TEP1: variants seen among roughly 807,000 people sequenced by gnomAD.
TEP1 encodes the protein telomerase associated protein 1.
TEP1 carries 241 observed loss-of-function variants against 306.3 expected under a neutral mutation model. The observed-to-expected ratio is 0.79, with a 90% CI of 0.71 to 0.88. TEP1 has a LOEUF of 0.88. TEP1 is among the 40% of genes least tolerant of loss of function. TEP1 has a pLI of 0.00. For missense variants in TEP1, 3,051 were observed against 3,276.1 expected (o/e 0.93, Z 1.68); for synonymous variants, 1,289 against 1,305.5 (o/e 0.99, Z 0.27).
rs1409260342 is a variant in TEP1, at chr14:20,378,505, A to G, written c.5383T>C (p.Phe1795Leu). 1 of 1,614,092 alleles carries G rather than the reference A, an allele frequency of 6.2e-7. No individual in the cohort carries two copies. Among genetic ancestry groups the G allele is most frequent in the African/African-American group, 1.3e-5 (1 of 74,938 alleles). The change falls in exon 38 of 55, where the codon TTC becomes CTC. Residue 1795 changes from phenylalanine to leucine, a missense_variant. Coordinates refer to ENST00000262715, the MANE Select transcript of TEP1 (RefSeq NM_007110.5). ...LWDTVRGQLAFQHTYPKSLNC... is the reference protein window; with the variant it reads ...LWDTVRGQLALQHTYPKSLNC... ...AGGGACTTGGGGTAGGTGTGCTGGA[A>G]GGCCAGCTGCCCACGGACTGTGTCC...
At position 20,369,385 on chromosome 14, in the gene TEP1, T is replaced by C. The variant is rs1446995792; in HGVS notation, c.7615A>G (p.Ser2539Gly). ...GTCTTTAGATGTGGTGTTGGCTCAC[T>C]ATCCATGCTGGCATCACTATCCATG... is the stretch of plus-strand genomic sequence containing the variant. The part of the protein sequence containing the change: ...ASMDSDASMD[S>G]EPTPHLKTRQ... Residue 2539 changes from serine to glycine, a missense_variant, in exon 53 of 55, where the codon AGT (serine) becomes GGT (glycine). This residue lies in a region of TEP1 where 1,540 missense variants were observed against 1,705.9 expected (regional missense o/e 0.90). Coordinates refer to ENST00000262715, the MANE Select transcript of TEP1 (RefSeq NM_007110.5). The C allele has an allele frequency of 9.9e-6, 16 of 1,613,800 alleles. No individual in the cohort carries two copies. Among genetic ancestry groups the C allele is most frequent in the Non-Finnish European group, 1.2e-5 (14 of 1,179,928 alleles).
chr14:20,376,467 C>T (rs148302230), intron 41 of TEP1, among the ~76,000 whole-genome samples: 276 of 152,256 alleles, frequency 1.8e-3, no homozygotes, highest in African/African-American at 6.3e-3. Flanking sequence ...CGGGAACGTG[C>T]GGCACTCCCA....
chr14:20,412,620 C>T (rs890719839), intron 1 of TEP1, among the ~76,000 whole-genome samples: 4 of 151,232 alleles, frequency 2.6e-5, no homozygotes, highest in African/African-American at 9.8e-5. Context: ...TGCTATTCTG[C>T]ACTTAGTATA....
rs201698574 is a variant in TEP1 at position 20,378,108 on chromosome 14, G to A, written c.5637C>T (p.Ala1879=). The A allele has an allele frequency of 6.2e-6, 10 of 1,613,978 alleles. No homozygotes were observed. Among genetic ancestry groups the A allele is most frequent in the Non-Finnish European group, 8.5e-6 (10 of 1,180,040 alleles). ...WAWREGARLA[A]FPAHHGFVAA... ...CAACAAAGCCATGGTGGGCAGGGAA[G>A]GCAGCCAGCCGTGCCCCTTCTCGCC... The change falls in exon 39 of 55, where the codon GCC becomes GCT. Residue 1879 remains alanine (A), a synonymous_variant. Transcript: ENST00000262715.
At position 20,378,122 on chromosome 14, in the gene TEP1, C is replaced by T. The variant is rs1441155976; in HGVS notation, c.5623G>A (p.Ala1875Thr). 2 of 1,613,886 alleles carry T rather than the reference C, an allele frequency of 1.2e-6. No individual in the cohort carries two copies. Among genetic ancestry groups the T allele is most frequent in the Non-Finnish European group, 1.7e-6 (2 of 1,180,032 alleles). The change falls in exon 39 of 55, where the codon GCA (alanine) becomes ACA (threonine). Residue 1875 changes from alanine (A) to threonine (T), a missense_variant. Physicochemically the swap from Ala to Thr is moderately conservative, Grantham distance 58 (BLOSUM62 0). Transcript: ENST00000262715. Reference sequence around the variant, plus strand: ...TGGGCAGGGAAGGCAGCCAGCCGTGCCCCTTCTCGCCAGGCCCACAGCTCC... The same window carrying T: ...TGGGCAGGGAAGGCAGCCAGCCGTGTCCCTTCTCGCCAGGCCCACAGCTCC... ...MVELWAWREGARLAAFPAHHG... is the reference protein window; with the variant it reads ...MVELWAWREGTRLAAFPAHHG...
chr14:20,386,789 C>T (rs565037889), intron 18 of TEP1, among the ~76,000 whole-genome samples, 166 bp from the exon 19 acceptor site: 1 of 152,304 alleles, frequency 6.6e-6, no homozygotes, highest in South Asian at 2.1e-4. Flanking sequence ...GTCTCAACTG[C>T]AGGGCCCTGG....
intron 17 of TEP1, 91 bp downstream of exon 17, chr14:20,389,147 T>TA (rs74346293): frequency 0.26 from 265,537 of 1,016,688 alleles, 5,357 homozygotes; most frequent in African/African-American, 0.31. Context: ...GATTCTGTCT[T>TA]AAAAAAAAAA....
At chr14:20,400,216 CAA>C (rs1445321946) in intron 9 of TEP1, among the ~76,000 whole-genome samples, 1 of 150,500 alleles carries the variant, frequency 6.6e-6, no homozygotes, top group Non-Finnish European at 1.5e-5. Flanking sequence ...TACTCCACCC[CAA>C]GTGGTTTCAA....
chr14:20,407,777 CAG>C (rs1282655471), intron 2 of TEP1, 94 bp downstream of exon 2: 1 of 1,142,222 alleles, frequency 8.8e-7, no homozygotes, highest in Non-Finnish European at 1.3e-6. Context: ...TAGCCAGACA[CAG>C]AGCAGCACAG....
rs1884585435 is a variant in TEP1, at chr14:20,368,150, C to T, written c.*287G>A. On this transcript the variant is annotated 3_prime_UTR_variant, in exon 55 of 55. Transcript: ENST00000262715. ...ATGCAAGAATTCTAAAACCTAGTTT[C>T]AAAAGAGTACCTACTAAAGATTTCA... 4 of 242,610 alleles carry T rather than the reference C, an allele frequency of 1.6e-5. No homozygotes were observed. In the South Asian group the frequency reaches 3.6e-4, roughly 22 times the overall value. The allele number at this position is 242,610 out of a possible 1,614,324, so 15.0% of individuals were successfully genotyped here. A position where few individuals can be genotyped will look rare whatever the true frequency, so the allele number is the denominator to read the frequency against.
intron 33 of TEP1, 139 bp from the exon 34 acceptor site, chr14:20,380,614 A>G: frequency 2.2e-6 from 3 of 1,358,636 alleles, no homozygotes; most frequent in Non-Finnish European, 2.9e-6. Context: ...ATATCTCTTA[A>G]AAGTACAAAG....
rs1884512940 is a variant in TEP1 at position 20,367,104 on chromosome 14, C to A, written c.*1333G>T. 1 of 152,220 alleles carries A rather than the reference C, an allele frequency of 6.6e-6. No homozygotes were observed. The highest frequency in any genetic ancestry group is 2.4e-5 in the African/African-American group (1 of 41,464). 9.4% of individuals were successfully genotyped at this position (152,220 alleles called of 1,614,324 possible). A position where few individuals can be genotyped will look rare whatever the true frequency, so the allele number is the denominator to read the frequency against. On this transcript the variant is annotated 3_prime_UTR_variant, in exon 55 of 55. Transcript: ENST00000262715. ...ATGGGCCGGGCACAATGGCTCACGC[C>A]TGTAATCCCAGAACTTTAAGAGGCT...
rs761931409 is a variant in TEP1, at chr14:20,380,985, C to T, written c.4708G>A (p.Ala1570Thr). Residue 1570 changes from alanine (A) to threonine (T), a missense_variant, in exon 33 of 55, where the codon GCA (alanine) becomes ACA (threonine). Ala to Thr is a moderately conservative substitution (Grantham distance 58). Around this residue, in one of 3 missense-constraint regions of TEP1, gnomAD observed 1,540 missense variants for 1,705.9 expected, o/e 0.90. Transcript: ENST00000262715. ...KFLTNLHVVA[A>T]HLELGLVSRL... ...GAGACCAGACCCAATTCCAAGTGTG[C>T]AGCCACCACATGGAGGTTGGTAAGG... The T allele has an allele frequency of 5.6e-6, 9 of 1,614,122 alleles. No homozygotes were observed. The highest frequency in any genetic ancestry group is 2.2e-5 in the South Asian group (2 of 91,072).
At chr14:20,400,475 C>A (rs1276470664) in intron 9 of TEP1, among the ~76,000 whole-genome samples, 1 of 125,330 alleles carries the variant, frequency 8.0e-6, no homozygotes, top group African/African-American at 2.8e-5. Context: ...AAAGAAAGAG[C>A]CTGCTATAGG....
rs768706165 is a variant in TEP1, at chr14:20,383,320, C to T, written c.3901G>A (p.Ala1301Thr). The T allele has an allele frequency of 6.2e-7, 1 of 1,608,644 alleles. No homozygotes were observed. Among genetic ancestry groups the T allele is most frequent in the Non-Finnish European group, 8.5e-7 (1 of 1,177,386 alleles). The stretch of plus-strand genomic sequence containing the variant: ...TGCTCAAGGGTCTCCCCTAGGCCTG[C>T]ATCACTAGACACACTCAGCACCAGG... ...VHLVLSVSSDAGLGETLEQSQ... is the reference protein window; with the variant it reads ...VHLVLSVSSDTGLGETLEQSQ... Residue 1301 changes from alanine (A) to threonine (T), a missense_variant, in exon 27 of 55, where the codon GCA becomes ACA. Transcript: ENST00000262715.
rs151250357 is a variant in TEP1, at chr14:20,384,603, C to T, written c.3218G>A (p.Arg1073His). The T allele has an allele frequency of 1.6e-4, 251 of 1,613,886 alleles. 1 individual carries two copies. The African/African-American group carries it at 2.9e-3, about 19-fold the overall frequency. ...CTCCCTACCTCCCTCAGCTCACCTG[C>T]GGCAGGTGATCCCTTTCTGTCTGCT... ...YLSRQKGITC[R>H]RYPCEWGGVA... is the part of the protein sequence containing the mutation. The change falls in exon 22 of 55, where the codon CGC becomes CAC. Residue 1073 changes from arginine (R) to histidine (H), a missense_variant. Transcript: ENST00000262715.
In TEP1 at chr14:20,395,598, T is replaced by A. The variant is rs1566472457; in HGVS notation, c.1780A>T (p.Met594Leu). 2 of 1,607,778 alleles carry A rather than the reference T, an allele frequency of 1.2e-6. No individual in the cohort carries two copies. The highest frequency in any genetic ancestry group is 1.7e-6 in the Non-Finnish European group (2 of 1,174,650). ...TCATTTCTAGTTAGTATCCGCCTCA[T>A]CAGTGTTATATTCGAAGGAAAGGGC... ...ALPFPSNITL[M>L]RRILTRNEKN... The change falls in exon 12 of 55, where the codon ATG becomes TTG. Residue 594 changes from methionine to leucine, a missense_variant. Physicochemically the swap from Met to Leu is conservative, Grantham distance 15 (BLOSUM62 2). Coordinates refer to ENST00000262715, the MANE Select transcript of TEP1 (RefSeq NM_007110.5).
chr14:20,407,509 T>G (rs1879271285), intron 2 of TEP1, among the ~76,000 whole-genome samples: 1 of 152,086 alleles, frequency 6.6e-6, no homozygotes, highest in Non-Finnish European at 1.5e-5. Flanking sequence ...CCTGGCTAAT[T>G]TTTGTATTTT....
In TEP1 at chr14:20,378,836, G is replaced by A. The variant is rs933243539; in HGVS notation, c.5270C>T (p.Ala1757Val). 2 of 1,614,084 alleles carry A rather than the reference G, an allele frequency of 1.2e-6. No homozygotes were observed. Among genetic ancestry groups the A allele is most frequent in the Admixed American group, 1.7e-5 (1 of 59,998 alleles). ...QHGCRVLQTK[A>V]HQYQITGCCL... ...GCAGCCAGTGATTTGGTACTGGTGA[G>A]CCTTAGTCTGCAGCACCCTATCCCA... Residue 1757 changes from alanine (A) to valine (V), a missense_variant, in exon 37 of 55, where the codon GCT (alanine) becomes GTT (valine). Ala to Val is a moderately conservative substitution (Grantham distance 64). Coordinates refer to ENST00000262715, the MANE Select transcript of TEP1 (RefSeq NM_007110.5).
Sources: allele counts gnomAD v4.1 joint callset (sites outside exome capture counted in the v4.1 genomes callset), GRCh38; gene constraint gnomAD v4.1.1; regional missense constraint gnomAD v4.1.1; transcripts MANE v1.5; gene names NCBI Gene and HGNC (gene_info 2026-07-23, HGNC 2026-07-21).